Variants in RELB observed in about 807,000 individuals in gnomAD.
RELB encodes the protein transcription factor RelB.
A neutral mutation model predicts 55.4 loss-of-function variants in RELB; 14 were observed. The ratio of observed to expected loss-of-function variants is 0.25; its 90% CI spans 0.17 to 0.40. The LOEUF (loss-of-function observed/expected upper bound fraction) is 0.40, where lower values mean the gene tolerates loss of function less well. RELB is among the 10% of genes least tolerant of loss of function. RELB has a pLI of 1.00. For missense variants in RELB, 669 were observed against 830.7 expected, an observed-to-expected ratio of 0.81 and a Z score of 2.39; for synonymous variants, 409 against 371.3, an observed-to-expected ratio of 1.10 and a Z score of -1.17.
At chr19:45,013,863 T>G (rs1217931879) in intron 4 of RELB, among the ~76,000 whole-genome samples, 1 of 151,982 alleles carries the variant, frequency 6.6e-6, no homozygotes, top group Admixed American at 6.6e-5. Flanking sequence ...AAAAAAAGAA[T>G]ATCCCACATT....
At chr19:45,014,232 C>A (rs935477110) in intron 4 of RELB, among the ~76,000 whole-genome samples, 2 of 147,302 alleles carry the variant, frequency 1.4e-5, no homozygotes, top group Admixed American at 1.4e-4. Flanking sequence ...TAAAGTGGCA[C>A]AAGCACGGCT....
At chr19:45,022,258 C>A in intron 5 of RELB, 48 bp downstream of exon 5, 1 of 1,504,986 alleles carries the variant, frequency 6.6e-7, no homozygotes, top group South Asian at 1.2e-5. Context: ...CATGGAGATT[C>A]TAAGCGACTG....
At chr19:45,027,753 A>G (rs1380118017) in intron 7 of RELB, among the ~76,000 whole-genome samples, 8 of 151,898 alleles carry the variant, frequency 5.3e-5, no homozygotes, top group Non-Finnish European at 1.0e-4. Flanking sequence ...CTAGATGGGG[A>G]AAACAACAGG....
At position 45,037,661 on chromosome 19, in the gene RELB, C is replaced by A. The variant is rs1420024713; in HGVS notation, c.1611C>A (p.Asp537Glu). The A allele has an allele frequency of 3.2e-6, 5 of 1,585,870 alleles. No homozygotes were observed. The African/African-American group carries it at 6.9e-5, about 22-fold the overall frequency. ...ETPGPEPLTL[D>E]SYQAPGPGDG... is the part of the protein sequence containing the mutation. ...CCGGCCCTGAACCACTGACACTGGA[C>A]TCGTACCAGGCCCCGGGCCCCGGGG... The change falls in exon 12 of 12, where the codon GAC becomes GAA. Residue 537 changes from aspartate (D) to glutamate (E), a missense_variant. Asp to Glu is a conservative substitution (Grantham distance 45, BLOSUM62 2). Transcript: ENST00000221452.
chr19:45,026,820 A>G (rs1169971765), intron 7 of RELB, among the ~76,000 whole-genome samples: 1 of 152,174 alleles, frequency 6.6e-6, no homozygotes. Context: ...AGAGGGATAC[A>G]GGCATAGAAG....
At chr19:45,006,563 G>T (rs1220295568) in intron 2 of RELB, among the ~76,000 whole-genome samples, 1 of 152,074 alleles carries the variant, frequency 6.6e-6, no homozygotes, top group African/African-American at 2.4e-5. Flanking sequence ...ATAAAATGAG[G>T]AGAAACAGAC....
intron 5 of RELB, among the ~76,000 whole-genome samples, chr19:45,022,467 T>C (rs924618947): frequency 2.0e-5 from 3 of 151,964 alleles, no homozygotes; most frequent in Non-Finnish European, 4.4e-5. Flanking sequence ...GGAGCACAGA[T>C]AATTGATGAC....
intron 3 of RELB, 97 bp downstream of exon 3, chr19:45,009,919 G>C: frequency 8.2e-7 from 1 of 1,225,794 alleles, no homozygotes; most frequent in Non-Finnish European, 1.2e-6. Flanking sequence ...GTGGGGGAGA[G>C]GTGTCACTGT....
chr19:45,001,979 T>A (rs1298868549), intron 1 of RELB, among the ~76,000 whole-genome samples: 1 of 147,384 alleles, frequency 6.8e-6, no homozygotes, highest in East Asian at 2.0e-4. Context: ...CGAAAGCTGC[T>A]CTTGGGCGGT....
chr19:45,036,988 G>T (rs1209548677), intron 11 of RELB, among the ~76,000 whole-genome samples: 1 of 152,010 alleles, frequency 6.6e-6, no homozygotes, highest in East Asian at 1.9e-4. Context: ...GGATTAAGAG[G>T]GCACCTAAGG....
At chr19:45,022,330 T>G in intron 5 of RELB, 120 bp downstream of exon 5, 3 of 985,694 alleles carry the variant, frequency 3.0e-6, no homozygotes, top group Non-Finnish European at 4.5e-6. Flanking sequence ...CACTGCCTCT[T>G]CTAGGTGGGA....
chr19:45,022,547 CTTTTTT>C (rs35661437), intron 5 of RELB, among the ~76,000 whole-genome samples: 1 of 125,804 alleles, frequency 7.9e-6, no homozygotes, highest in Non-Finnish European at 1.7e-5. Context: ...TACAATTCAT[CTTTTTT>C]TTTTTTTTTT....
chr19:45,036,852 A>C (rs1456372592), intron 11 of RELB, among the ~76,000 whole-genome samples: 1 of 152,104 alleles, frequency 6.6e-6, no homozygotes, highest in Admixed American at 6.6e-5. Flanking sequence ...CTAACTTTTA[A>C]ATAATTTTTT....
rs1356400264 is a variant in RELB at position 45,026,327 on chromosome 19, C to G, written c.886+590C>G. 4.6e-5 allele frequency among the ~76,000 whole-genome samples: 7 copies of G among 152,124 alleles called. No homozygotes were observed. In the South Asian group the frequency reaches 8.3e-4, roughly 18 times the overall value. On this transcript the variant is annotated intron_variant, in intron 7 of 11. Coordinates refer to ENST00000221452, the MANE Select transcript of RELB (RefSeq NM_006509.4). Reference sequence around the variant, plus strand: ...CTGAGGTGGGAAGATTGCTTGAGCCCAGGAGGTTGAGGCTGCAGTGAGCTG... The same window carrying G: ...CTGAGGTGGGAAGATTGCTTGAGCCGAGGAGGTTGAGGCTGCAGTGAGCTG...
At chr19:45,011,873 T>G in intron 3 of RELB, 63 bp from the exon 4 acceptor site, 1 of 177,822 alleles carries the variant, frequency 5.6e-6, no homozygotes, top group Non-Finnish European at 9.1e-6. Flanking sequence ...TAATCAAGCC[T>G]TTTTTTTTTT....
intron 5 of RELB, among the ~76,000 whole-genome samples, chr19:45,023,078 A>G (rs1327239195): frequency 6.6e-6 from 1 of 152,126 alleles, no homozygotes; most frequent in African/African-American, 2.4e-5. Flanking sequence ...TCAGGTCTGG[A>G]AGATTTAATT....
rs376331542 is a variant in RELB, at chr19:45,012,134, C to G, written c.362C>G (p.Pro121Arg). ...LGRLVSPAPGPGPQPHLVITE... is the reference protein window; with the variant it reads ...LGRLVSPAPGRGPQPHLVITE... ...CGACTAGTGTCCCCAGCGCCGGGCCCGGGCCCGCAGCCGCACCTGGTCATC... is the reference window on the plus strand; with the variant it reads ...CGACTAGTGTCCCCAGCGCCGGGCCGGGGCCCGCAGCCGCACCTGGTCATC... Residue 121 changes from proline to arginine, a missense_variant, in exon 4 of 12, where the codon CCG (proline) becomes CGG (arginine). Around this residue, in one of 3 missense-constraint regions of RELB, gnomAD observed 323 missense variants for 368.5 expected, o/e 0.88. Transcript: ENST00000221452. 1 of 1,556,098 alleles carries G rather than the reference C, an allele frequency of 6.4e-7. No homozygotes were observed. Among genetic ancestry groups the G allele is most frequent in the Non-Finnish European group, 8.6e-7 (1 of 1,160,314 alleles).
At chr19:45,032,146 G>A (rs991029287) in intron 8 of RELB, among the ~76,000 whole-genome samples, 4 of 151,934 alleles carry the variant, frequency 2.6e-5, no homozygotes, top group South Asian at 4.2e-4. Context: ...TGAGGCAGGA[G>A]AATTACTTGA....
intron 11 of RELB, 120 bp from the exon 12 acceptor site, chr19:45,037,283 GAA>G (rs560232256): frequency 7.9e-3 from 6,743 of 850,774 alleles, no homozygotes; most frequent in South Asian, 0.013. Flanking sequence ...CTCCATCTCA[GAA>G]AAAAAAAAAA....
Sources: gnomAD v4.1 joint callset for allele counts (sites outside exome capture counted in the v4.1 genomes callset) on GRCh38, gnomAD v4.1.1 for gene constraint, gnomAD v4.1.1 regional missense constraint, MANE v1.5 for transcripts, NCBI Gene and HGNC (gene_info 2026-07-23, HGNC 2026-07-21) for gene names.